EXOC6B: variants seen among roughly 807,000 people sequenced by gnomAD.
The protein encoded by EXOC6B is SEC15 homolog B.
A neutral mutation model predicts 113.5 loss-of-function variants in EXOC6B; 54 were observed. That is an observed-to-expected ratio of 0.48 (90% CI 0.38 to 0.60). The LOEUF is 0.60. Among genes scored for constraint, EXOC6B ranks in the 20% least tolerant of loss-of-function variants. EXOC6B has a pLI of 0.00. For synonymous variants in EXOC6B, 357 were observed against 339.0 expected, an observed-to-expected ratio of 1.05 and a Z score of -0.58; for missense variants, 797 against 977.5, an observed-to-expected ratio of 0.82 and a Z score of 2.46.
intron 6 of EXOC6B, among the ~76,000 whole-genome samples, chr2:72,606,355 C>A (rs1159306757): frequency 6.6e-6 from 1 of 152,032 alleles, no homozygotes; most frequent in Admixed American, 6.5e-5. Flanking sequence ...TACACACACA[C>A]ATACAATATT....
chr2:72,578,788 T>C (rs921877157), intron 6 of EXOC6B, among the ~76,000 whole-genome samples: 2 of 152,008 alleles, frequency 1.3e-5, no homozygotes, highest in African/African-American at 2.4e-5. Context: ...AAAGTAACCA[T>C]TCCAGAAGAA....
chr2:72,755,558 A>C (rs529940392), intron 1 of EXOC6B, among the ~76,000 whole-genome samples: 14 of 152,336 alleles, frequency 9.2e-5, no homozygotes, highest in African/African-American at 3.4e-4. Flanking sequence ...ATTTTTACCA[A>C]AAAGTTAATT....
At chr2:72,736,943 C>A (rs1681007357) in intron 2 of EXOC6B, among the ~76,000 whole-genome samples, 1 of 152,170 alleles carries the variant, frequency 6.6e-6, no homozygotes, top group South Asian at 2.1e-4. Flanking sequence ...TCTCTGTTTT[C>A]ACGCATTTCA....
chr2:72,525,521 CAAT>C (rs1173122333), intron 8 of EXOC6B, among the ~76,000 whole-genome samples: 1 of 152,032 alleles, frequency 6.6e-6, no homozygotes, highest in Non-Finnish European at 1.5e-5. Flanking sequence ...CAGACTTCCT[CAAT>C]GATGAAGGTT....
At chr2:72,322,339 T>C (rs1468274283) in intron 20 of EXOC6B, among the ~76,000 whole-genome samples, 1 of 152,140 alleles carries the variant, frequency 6.6e-6, no homozygotes, top group Non-Finnish European at 1.5e-5. Context: ...CAAAAGAATA[T>C]AAATTCTAGG....
intron 18 of EXOC6B, among the ~76,000 whole-genome samples, chr2:72,422,980 AC>A: frequency 6.6e-6 from 1 of 152,304 alleles, no homozygotes; most frequent in Middle Eastern, 3.4e-3. Flanking sequence ...AGCATTGGCA[AC>A]CTGCTCGGGT....
chr2:72,248,688 TA>T (rs769328629), intron 20 of EXOC6B, among the ~76,000 whole-genome samples: 4 of 152,216 alleles, frequency 2.6e-5, no homozygotes, highest in Non-Finnish European at 4.4e-5. Context: ...ATTTGTAGAA[TA>T]AATGAAAAAG....
At chr2:72,321,533 CAAAAAA>C (rs766214952) in intron 20 of EXOC6B, among the ~76,000 whole-genome samples, 27 of 61,168 alleles carry the variant, frequency 4.4e-4, no homozygotes, top group Non-Finnish European at 7.9e-4. Flanking sequence ...GACTCCGTCT[CAAAAAA>C]AAAAAAAAAA....
chr2:72,548,507 T>A (rs924650421), intron 8 of EXOC6B, among the ~76,000 whole-genome samples: 1 of 152,290 alleles, frequency 6.6e-6, no homozygotes, highest in East Asian at 1.9e-4. Flanking sequence ...ATTAGAACTT[T>A]TTGTTACTTA....
At chr2:72,452,877 T>A (rs1696994693) in intron 18 of EXOC6B, among the ~76,000 whole-genome samples, 1 of 152,206 alleles carries the variant, frequency 6.6e-6, no homozygotes, top group Non-Finnish European at 1.5e-5. Context: ...GTTCTTCCAC[T>A]GCTGCTCTTC....
At chr2:72,197,374 T>C (rs1679236921) in intron 20 of EXOC6B, among the ~76,000 whole-genome samples, 1 of 152,126 alleles carries the variant, frequency 6.6e-6, no homozygotes, top group Non-Finnish European at 1.5e-5. Context: ...CGAGCCTCTG[T>C]CAAGGGCTAA....
intron 6 of EXOC6B, among the ~76,000 whole-genome samples, chr2:72,662,783 G>A (rs1675115607): frequency 1.3e-5 from 2 of 152,018 alleles, no homozygotes; most frequent in Non-Finnish European, 1.5e-5. Context: ...CTTTCACCAG[G>A]CTGGAATCGC....
chr2:72,236,657 G>A (rs554216236), intron 20 of EXOC6B, among the ~76,000 whole-genome samples: 1 of 152,108 alleles, frequency 6.6e-6, no homozygotes, highest in Non-Finnish European at 1.5e-5. Flanking sequence ...AGGCAAAGTG[G>A]CTGAAATTTT....
rs112924696 is a variant in EXOC6B, at chr2:72,219,494, G to T, written c.2197-35307C>A. Among the ~76,000 whole-genome samples, 1,145 of 152,166 alleles carry T rather than the reference G, an allele frequency of 7.5e-3. 15 individuals are homozygous for T. The highest frequency in any genetic ancestry group is 0.025 in the African/African-American group (1,051 of 41,512). ...TTTATAGTATTGTCATTCTAGTCTT[G>T]AGGACTCACAATTTTACCTCTTTCA... is the stretch of plus-strand genomic sequence containing the variant. On this transcript the variant is annotated intron_variant, in intron 20 of 21. Coordinates refer to ENST00000272427, the MANE Select transcript of EXOC6B (RefSeq NM_015189.3).
intron 6 of EXOC6B, among the ~76,000 whole-genome samples, chr2:72,607,602 G>A (rs1670830445): frequency 6.6e-6 from 1 of 151,940 alleles, no homozygotes; most frequent in South Asian, 2.1e-4. Context: ...AGAGTCCAGG[G>A]CATAGTCCAG....
intron 20 of EXOC6B, among the ~76,000 whole-genome samples, chr2:72,199,660 T>C (rs949130210): frequency 1.1e-4 from 16 of 152,164 alleles, no homozygotes; most frequent in African/African-American, 2.9e-4. Context: ...CTCCTTTCTG[T>C]CCTCATGCCA....
chr2:72,729,252 C>G (rs545686580), intron 5 of EXOC6B, among the ~76,000 whole-genome samples: 20 of 151,790 alleles, frequency 1.3e-4, no homozygotes, highest in Non-Finnish European at 2.9e-4. Flanking sequence ...AAGAAAGGAA[C>G]ATAAATTTTA....
intron 1 of EXOC6B, 28 bp from the exon 2 acceptor site, chr2:72,741,497 T>C (rs1376157953): frequency 1.1e-5 from 18 of 1,580,640 alleles, no homozygotes; most frequent in Non-Finnish European, 1.5e-5. Flanking sequence ...ACGAAGATTA[T>C]ACCATGGTTA....
At chr2:72,434,740 T>C (rs1270192059) in intron 18 of EXOC6B, among the ~76,000 whole-genome samples, 1 of 152,246 alleles carries the variant, frequency 6.6e-6, no homozygotes, top group African/African-American at 2.4e-5. Context: ...TTCTGTGAGA[T>C]TGGGGGTTAT....
Sources: gnomAD v4.1 joint callset for allele counts (sites outside exome capture counted in the v4.1 genomes callset) on GRCh38, gnomAD v4.1.1 for gene constraint, MANE v1.5 for transcripts, NCBI Gene and HGNC (gene_info 2026-07-23, HGNC 2026-07-21) for gene names.